Variants in TRANK1 observed in about 807,000 individuals in gnomAD.
TRANK1 encodes the protein TPR and ankyrin repeat-containing protein 1.
Under a neutral mutation model 266.0 loss-of-function variants are expected in TRANK1, and 198 were observed. The ratio of observed to expected loss-of-function variants is 0.74; its 90% CI spans 0.66 to 0.84. The LOEUF (loss-of-function observed/expected upper bound fraction) is 0.84, where lower values mean the gene tolerates loss of function less well. Ranked by LOEUF, TRANK1 falls within the 40% of genes least tolerant of loss-of-function variation. TRANK1 has a pLI of 0.00. For missense variants in TRANK1, 3,326 were observed against 3,634.6 expected, an observed-to-expected ratio of 0.92 and a Z score of 2.18; for synonymous variants, 1,396 against 1,384.1, an observed-to-expected ratio of 1.01 and a Z score of -0.19.
At chr3:36,925,094 C>T (rs985811279) in intron 1 of TRANK1, among the ~76,000 whole-genome samples, 5 of 152,178 alleles carry the variant, frequency 3.3e-5, no homozygotes, top group African/African-American at 4.8e-5. Context: ...CTCACACAAA[C>T]TTTACAGGAG....
Position 36,944,949 on chromosome 3 carries a change from C to T in TRANK1, c.-140G>A. ...GGCGGCGCGATGCAGAGGCGGCGTT[C>T]GGGGGCCCCCAGCTGCCTGCGGCTC... On this transcript the variant is annotated 5_prime_UTR_variant, in exon 1 of 24. Transcript: ENST00000645898. 2 of 890,738 alleles carry T rather than the reference C, an allele frequency of 2.2e-6. No homozygotes were observed. Among genetic ancestry groups the T allele is most frequent in the South Asian group, 5.2e-5 (2 of 38,736 alleles). 55.2% of individuals were successfully genotyped at this position (890,738 alleles called of 1,614,324 possible).
chr3:36,910,610 C>T (rs1387199130), intron 1 of TRANK1, among the ~76,000 whole-genome samples: 2 of 151,722 alleles, frequency 1.3e-5, no homozygotes, highest in Admixed American at 6.6e-5. Context: ...TGCGGTGGCA[C>T]GCACCTGTAA....
rs777420821 is a variant in TRANK1 at position 36,855,762 on chromosome 3, G to A, written c.3960C>T (p.Tyr1320=). The change falls in exon 13 of 24, where the codon TAC becomes TAT. Residue 1320 remains tyrosine, a synonymous_variant. Coordinates refer to ENST00000645898, the MANE Select transcript of TRANK1 (RefSeq NM_001329998.2). ...MRTGDSDPRV[Y]VTFEVFKNEI... ...CATTTTTGAACACCTCAAACGTCACGTACACCCGGGGGTCACTGTCACCCG... is the reference window on the plus strand; with the variant it reads ...CATTTTTGAACACCTCAAACGTCACATACACCCGGGGGTCACTGTCACCCG... 23 of 1,613,450 alleles carry A rather than the reference G, an allele frequency of 1.4e-5. No homozygotes were observed. Among genetic ancestry groups the A allele is most frequent in the South Asian group, 5.5e-5 (5 of 91,062 alleles).
At position 36,858,827 on chromosome 3, in the gene TRANK1, G is replaced by A. The variant is rs1199319312; in HGVS notation, c.1563C>T (p.Phe521=). The A allele has an allele frequency of 5.9e-6, 9 of 1,537,154 alleles. No individual in the cohort carries two copies. The highest frequency in any genetic ancestry group is 1.4e-5 in the African/African-American group (1 of 73,060). Reference sequence around the variant, plus strand: ...TGGTCAAGAGAAGGAAAGCCAACTCGAAGTCCTCATGTTTCAGGCACGTGA... The same window carrying A: ...TGGTCAAGAGAAGGAAAGCCAACTCAAAGTCCTCATGTTTCAGGCACGTGA... ...PVVTCLKHED[F]ELAFLLLTKG... Residue 521 remains phenylalanine (F), a synonymous_variant, in exon 12 of 24, where the codon TTC becomes TTT. Transcript: ENST00000645898.
At chr3:36,865,757 T>C (rs181267807) in intron 9 of TRANK1, among the ~76,000 whole-genome samples, 272 of 152,056 alleles carry the variant, frequency 1.8e-3, no homozygotes, top group African/African-American at 6.3e-3. Flanking sequence ...GACATATTCA[T>C]ATATACAAAT....
At chr3:36,936,173 G>A (rs1302049918) in intron 1 of TRANK1, among the ~76,000 whole-genome samples, 4 of 152,128 alleles carry the variant, frequency 2.6e-5, no homozygotes, top group Admixed American at 1.3e-4. Flanking sequence ...CTGGAAAACA[G>A]TAGCATTTGC....
At chr3:36,940,751 T>C (rs2080486058) in intron 1 of TRANK1, among the ~76,000 whole-genome samples, 1 of 152,192 alleles carries the variant, frequency 6.6e-6, no homozygotes, top group East Asian at 1.9e-4. Flanking sequence ...AGCCTATGTC[T>C]TATATATTTA....
At position 36,856,087 on chromosome 3, in the gene TRANK1, A is replaced by G; in HGVS notation, c.3635T>C (p.Leu1212Pro). Residue 1212 changes from leucine (L) to proline (P), a missense_variant, in exon 13 of 24, where the codon CTT (leucine) becomes CCT (proline). By Grantham distance (98) the Leu-to-Pro change is moderately conservative. Coordinates refer to ENST00000645898, the MANE Select transcript of TRANK1 (RefSeq NM_001329998.2). ...CQEVQRNFIE[L>P]SKSTKATSHY... Reference sequence around the variant, plus strand: ...ACTAGTGGCCTTGGTGGACTTGGAAAGCTCAATGAAATTCCTTTGTACCTC... The same window carrying G: ...ACTAGTGGCCTTGGTGGACTTGGAAGGCTCAATGAAATTCCTTTGTACCTC... 6.2e-7 allele frequency: 1 copy of G among 1,613,752 alleles called. No individual in the cohort carries two copies. The highest frequency in any genetic ancestry group is 1.1e-5 in the South Asian group (1 of 91,078).
chr3:36,844,426 C>A (rs1409489546), intron 17 of TRANK1, among the ~76,000 whole-genome samples: 1 of 152,136 alleles, frequency 6.6e-6, no homozygotes, highest in Non-Finnish European at 1.5e-5. Flanking sequence ...GGGGTTTCAC[C>A]ATGTTGGTCA....
chr3:36,925,816 C>T (rs1252913212), intron 1 of TRANK1, among the ~76,000 whole-genome samples: 1 of 152,100 alleles, frequency 6.6e-6, no homozygotes, highest in Non-Finnish European at 1.5e-5. Flanking sequence ...GATCTCCTGA[C>T]CTCATGATCC....
chr3:36,899,193 A>G lies in TRANK1; in HGVS notation c.349T>C (p.Phe117Leu), dbSNP rs1251053696. 6.5e-7 allele frequency: 1 copy of G among 1,537,298 alleles called. No individual in the cohort carries two copies. The highest frequency in any genetic ancestry group is 1.2e-5 in the South Asian group (1 of 84,064). ...HQPYEAARMF[F>L]EGLRLVQRSQ... ...CTCTGCACAAGTCGCAGACCCTCAA[A>G]AAACATGCGAGCGGCTTCGTAAGGC... is the stretch of plus-strand genomic sequence containing the variant. Residue 117 changes from phenylalanine (F) to leucine (L), a missense_variant, in exon 4 of 24, where the codon TTT (phenylalanine) becomes CTT (leucine). Physicochemically the swap from Phe to Leu is conservative, Grantham distance 22. Transcript: ENST00000645898.
chr3:36,829,476 C>T (rs1041841984), intron 23 of TRANK1, 88 bp downstream of exon 23: 3 of 1,306,542 alleles, frequency 2.3e-6, no homozygotes, highest in African/African-American at 2.9e-5. Context: ...CACTGGGCTG[C>T]CCCACTTCAG....
At chr3:36,936,305 C>T (rs749896238) in intron 1 of TRANK1, among the ~76,000 whole-genome samples, 1 of 151,810 alleles carries the variant, frequency 6.6e-6, no homozygotes, top group Non-Finnish European at 1.5e-5. Flanking sequence ...GGCAACATAG[C>T]GAGATCACAT....
In TRANK1 at chr3:36,831,338, C is replaced by T; in HGVS notation, c.8245G>A (p.Glu2749Lys). ...RVGTQMERVR[E>K]EAREPRAGNF... ...CCAGCCCTGGGCTCCCTGGCCTCCT[C>T]CCTGACACGCTCCATCTGGGTGCCC... The change falls in exon 22 of 24, where the codon GAG (glutamate) becomes AAG (lysine). Residue 2749 changes from glutamate (E) to lysine (K), a missense_variant. By Grantham distance (56) the Glu-to-Lys change is moderately conservative (BLOSUM62 1). Transcript: ENST00000645898. The surrounding 1 kb of genome is among the most constrained non-coding windows in gnomAD (Gnocchi z 5.0). The T allele has an allele frequency of 1.2e-6, 2 of 1,613,648 alleles. No homozygotes were observed. The highest frequency in any genetic ancestry group is 1.7e-6 in the Non-Finnish European group (2 of 1,179,778).
chr3:36,928,197 C>T (rs750682222), intron 1 of TRANK1, among the ~76,000 whole-genome samples: 2 of 152,150 alleles, frequency 1.3e-5, no homozygotes, highest in East Asian at 1.9e-4. Flanking sequence ...AACCAAGGTA[C>T]GCCCAATAAA....
intron 1 of TRANK1, among the ~76,000 whole-genome samples, chr3:36,911,627 A>G (rs2093023191): frequency 6.6e-6 from 1 of 152,258 alleles, no homozygotes; most frequent in Non-Finnish European, 1.5e-5. Flanking sequence ...CCAACCATAC[A>G]GAAGGCTTTT....
chr3:36,908,535 GAGA>G (rs1283499118), intron 1 of TRANK1, 81 bp from the exon 2 acceptor site: 16 of 1,231,640 alleles, frequency 1.3e-5, no homozygotes, highest in East Asian at 9.5e-5. Flanking sequence ...CTGAAATCTG[GAGA>G]AGGAGTTCGC....
intron 1 of TRANK1, among the ~76,000 whole-genome samples, chr3:36,940,359 G>T (rs1473199300): frequency 2.0e-5 from 3 of 151,920 alleles, no homozygotes; most frequent in South Asian, 2.1e-4. Flanking sequence ...AATTAGCCGG[G>T]CGTGGTGGCA....
At position 36,880,064 on chromosome 3, in the gene TRANK1, GTAAACATGCAAATATATA is replaced by G. The variant is rs768664874; in HGVS notation, c.908-5786_908-5769del. 2.7e-3 allele frequency: 37 copies of G among 13,922 alleles called. 2 individuals carry two copies. The highest frequency in any genetic ancestry group is 3.7e-3 in the Non-Finnish European group (30 of 8,022). 0.9% of individuals were successfully genotyped at this position (13,922 alleles called of 1,614,324 possible). On this transcript the variant is annotated intron_variant, in intron 8 of 23. Transcript: ENST00000645898. ...AATATATGTAAACATACAAATATATGTAAACATGCAAATATATATAAACATATATAAATATATATAAAC... is the reference window on the plus strand; with the variant it reads ...AATATATGTAAACATACAAATATATGTAAACATATATAAATATATATAAAC...
Sources: allele counts gnomAD v4.1 joint callset (sites outside exome capture counted in the v4.1 genomes callset), GRCh38; gene constraint gnomAD v4.1.1; non-coding constraint Gnocchi (gnomAD v3.1); transcripts MANE v1.5; gene names NCBI Gene and HGNC (gene_info 2026-07-23, HGNC 2026-07-21).